The following SORCS1 variants were observed in gnomAD, a reference collection of about 807,000 sequenced individuals.
The protein encoded by SORCS1 is VPS10 domain-containing receptor SorCS1.
In SORCS1, 60 loss-of-function variants were observed where a neutral mutation model predicts 146.1. The ratio of observed to expected loss-of-function variants is 0.41; its 90% CI spans 0.33 to 0.51. The LOEUF (loss-of-function observed/expected upper bound fraction) is 0.51. Ranked by LOEUF, SORCS1 falls within the 20% of genes least tolerant of loss-of-function variation. SORCS1 has a pLI of 0.21. For synonymous variants in SORCS1, 637 were observed against 584.0 expected (o/e 1.09, Z -1.31); for missense variants, 1,352 against 1,487.6 (o/e 0.91, Z 1.50).
At chr10:106,858,946 C>T (rs2137396837) in intron 2 of SORCS1, among the ~76,000 whole-genome samples, 1 of 152,206 alleles carries the variant, frequency 6.6e-6, no homozygotes, top group East Asian at 1.9e-4. Context: ...GTTCTTACTG[C>T]CATTCCTAGG....
At chr10:106,937,529 C>T (rs1415372294) in intron 2 of SORCS1, among the ~76,000 whole-genome samples, 4 of 152,134 alleles carry the variant, frequency 2.6e-5, no homozygotes, top group South Asian at 2.1e-4. Context: ...CTCTTGCCTG[C>T]TGCCATATAA....
At chr10:107,076,787 G>A (rs1270986707) in intron 1 of SORCS1, among the ~76,000 whole-genome samples, 3 of 152,102 alleles carry the variant, frequency 2.0e-5, no homozygotes, top group Non-Finnish European at 2.9e-5. Flanking sequence ...ACTTTTCTGA[G>A]GTTCTGATGG....
At position 107,164,363 on chromosome 10, in the gene SORCS1, C is replaced by T; in HGVS notation, c.164G>A (p.Gly55Asp). ...SAPRSASTPR[G>D]FSHQGRPGRA... ...GCCTGGCCGCCCCTGGTGGGAAAAGCCCCTAGGGGTCGAGGCCGAGCGTGG... is the reference window on the plus strand; with the variant it reads ...GCCTGGCCGCCCCTGGTGGGAAAAGTCCCTAGGGGTCGAGGCCGAGCGTGG... Residue 55 changes from glycine to aspartate, a missense_variant, in exon 1 of 26, where the codon GGC (glycine) becomes GAC (aspartate). Around this residue, in one of 3 missense-constraint regions of SORCS1, gnomAD observed 490 missense variants for 489.1 expected, o/e 1.00. Coordinates refer to ENST00000263054, the MANE Select transcript of SORCS1 (RefSeq NM_052918.5). This position sits in a 1 kb window ranked among gnomAD's most constrained non-coding sequence, Gnocchi z 6.8. The T allele has an allele frequency of 6.7e-7, 1 of 1,501,686 alleles. No individual in the cohort carries two copies. 93.0% of individuals were successfully genotyped at this position (1,501,686 alleles called of 1,614,324 possible). A position where few individuals can be genotyped will look rare whatever the true frequency, so the allele number is the denominator to read the frequency against.
Position 106,660,245 on chromosome 10 carries a change from T to C in SORCS1, c.2303+7444A>G, listed in dbSNP as rs555246709. ...GAATCTAAGTGTTTTATGGCTTATGTAGAGAGGAAGTTTTCAAGTTTTTAT... is the reference window on the plus strand; with the variant it reads ...GAATCTAAGTGTTTTATGGCTTATGCAGAGAGGAAGTTTTCAAGTTTTTAT... On this transcript the variant is annotated intron_variant, in intron 17 of 25. Transcript: ENST00000263054. Among the ~76,000 whole-genome samples the C allele has an allele frequency of 8.4e-4, 128 of 152,316 alleles. 1 individual carries two copies. Among genetic ancestry groups the C allele is most frequent in the African/African-American group, 2.9e-3 (121 of 41,576 alleles).
intron 24 of SORCS1, among the ~76,000 whole-genome samples, chr10:106,587,266 C>T (rs117698568): frequency 3.3e-5 from 5 of 152,080 alleles, no homozygotes; most frequent in East Asian, 1.9e-4. Context: ...ATACGGTGAC[C>T]GAAAACTAAA....
intron 2 of SORCS1, among the ~76,000 whole-genome samples, chr10:106,850,367 C>T (rs1174872683): frequency 6.6e-6 from 1 of 152,016 alleles, no homozygotes; most frequent in Admixed American, 6.5e-5. Flanking sequence ...GTCCGTCACC[C>T]CTTTCTTTGA....
chr10:106,774,777 T>A (rs1018598227), intron 4 of SORCS1, among the ~76,000 whole-genome samples: 100 of 152,296 alleles, frequency 6.6e-4, no homozygotes, highest in Admixed American at 6.4e-3. Context: ...ATTGGTCAAC[T>A]CATATGTGTT....
intron 1 of SORCS1, among the ~76,000 whole-genome samples, chr10:106,976,211 G>GT (rs751512315): frequency 0.018 from 2,419 of 134,264 alleles, 28 homozygotes; most frequent in Non-Finnish European, 0.027. Context: ...TGCTTCATCT[G>GT]TTTTTTTTTT....
intron 5 of SORCS1, among the ~76,000 whole-genome samples, chr10:106,757,096 CATT>C (rs1438872258): frequency 6.6e-6 from 1 of 152,154 alleles, no homozygotes; most frequent in Non-Finnish European, 1.5e-5. Flanking sequence ...GCTTTGGTAA[CATT>C]ATCAGAAACC....
intron 1 of SORCS1, among the ~76,000 whole-genome samples, chr10:107,004,340 T>C (rs1164705270): frequency 1.3e-5 from 2 of 152,290 alleles, no homozygotes; most frequent in Admixed American, 6.5e-5. Flanking sequence ...AATGAAGACA[T>C]ACCCAAGACT....
At position 106,579,441 on chromosome 10, in the gene SORCS1, C is replaced by A. The variant is rs1191665942; in HGVS notation, c.3299G>T (p.Gly1100Val). 6.2e-7 allele frequency: 1 copy of A among 1,613,798 alleles called. No homozygotes were observed. The highest frequency in any genetic ancestry group is 8.5e-7 in the Non-Finnish European group (1 of 1,179,956). The change falls in exon 25 of 26, where the codon GGA becomes GTA. Residue 1100 changes from glycine (G) to valine (V), a missense_variant. By Grantham distance (109) the Gly-to-Val change is moderately radical (BLOSUM62 -3). Around this residue, in one of 3 missense-constraint regions of SORCS1, gnomAD observed 214 missense variants for 204.8 expected, o/e 1.05. Transcript: ENST00000263054. The stretch of plus-strand genomic sequence containing the variant: ...TGAGAGCAGCATCAGCATGGCAGAT[C>A]CACTGTGGGTTGGAGTGAGGTCCAC... ...PLVDLTPTHS[G>V]SAMLMLLSVV...
chr10:106,911,716 A>C (rs1027611555), intron 2 of SORCS1, among the ~76,000 whole-genome samples: 1 of 152,094 alleles, frequency 6.6e-6, no homozygotes. Context: ...TTAGATTCAC[A>C]TGGGGAGATT....
In SORCS1 at chr10:107,060,564, C is replaced by T. The variant is rs144204619; in HGVS notation, c.558+103405G>A. On this transcript the variant is annotated intron_variant, in intron 1 of 25. Coordinates refer to ENST00000263054, the MANE Select transcript of SORCS1 (RefSeq NM_052918.5). This position sits in a 1 kb window ranked among gnomAD's most constrained non-coding sequence, Gnocchi z 4.1. ...ATCCTCTCAGGCCTCAAGGACCTTC[C>T]TTGGGATCAAAGTCATTTTTCTGTG... Among the ~76,000 whole-genome samples the T allele has an allele frequency of 3.9e-5, 6 of 152,246 alleles. No homozygotes were observed. The highest frequency in any genetic ancestry group is 6.5e-5 in the Admixed American group (1 of 15,286).
chr10:107,021,356 CA>C (rs1031608792), intron 1 of SORCS1, among the ~76,000 whole-genome samples: 54 of 150,092 alleles, frequency 3.6e-4, no homozygotes, highest in Middle Eastern at 3.4e-3. Flanking sequence ...ACTAAAAACG[CA>C]AAAAAAATTA....
chr10:106,668,935 C>A (rs548207718), intron 16 of SORCS1, among the ~76,000 whole-genome samples: 1 of 152,226 alleles, frequency 6.6e-6, no homozygotes, highest in African/African-American at 2.4e-5. Context: ...GGTGTAATCA[C>A]CGAAACTCCA....
chr10:106,905,723 C>T (rs551447584), intron 2 of SORCS1, among the ~76,000 whole-genome samples: 6 of 152,218 alleles, frequency 3.9e-5, no homozygotes, highest in Admixed American at 3.9e-4. Context: ...TGAGTCTCAC[C>T]TTCTCCCTCA....
intron 1 of SORCS1, among the ~76,000 whole-genome samples, chr10:107,066,846 G>A (rs1375466679): frequency 1.3e-5 from 2 of 152,120 alleles, no homozygotes; most frequent in Non-Finnish European, 2.9e-5. Context: ...TTGGGATATG[G>A]AAAATCATCT....
intron 1 of SORCS1, among the ~76,000 whole-genome samples, chr10:107,109,931 C>T (rs1002470195): frequency 6.6e-6 from 1 of 152,190 alleles, no homozygotes; most frequent in Non-Finnish European, 1.5e-5. Flanking sequence ...TACCCTAGGT[C>T]ATCACCCTCA....
chr10:106,625,972 G>A (rs1024095135), intron 19 of SORCS1, among the ~76,000 whole-genome samples: 5 of 152,076 alleles, frequency 3.3e-5, no homozygotes, highest in Admixed American at 2.6e-4. Flanking sequence ...TATCCCCAAG[G>A]AATTACCAAC....
Sources: gnomAD v4.1 joint callset for allele counts (sites outside exome capture counted in the v4.1 genomes callset) on GRCh38, gnomAD v4.1.1 for gene constraint, gnomAD v4.1.1 regional missense constraint, Gnocchi (gnomAD v3.1) non-coding constraint, MANE v1.5 for transcripts, NCBI Gene and HGNC (gene_info 2026-07-23, HGNC 2026-07-21) for gene names.